PPP1R13B: variants seen among roughly 807,000 people sequenced by gnomAD.
PPP1R13B encodes the protein protein phosphatase 1 regulatory subunit 13B.
Under a neutral mutation model 119.8 loss-of-function variants are expected in PPP1R13B, and 44 were observed. The observed-to-expected ratio is 0.37, with a 90% confidence interval of 0.29 to 0.47. The LOEUF is 0.47. Among genes scored for constraint, PPP1R13B ranks in the 20% least tolerant of loss-of-function variants. The pLI is 0.99. For synonymous variants in PPP1R13B, 542 were observed against 561.5 expected (o/e 0.97, Z 0.49); for missense variants, 1,227 against 1,413.5 (o/e 0.87, Z 2.12).
chr14:103,816,989 C>T (rs1567146788), intron 1 of PPP1R13B, among the ~76,000 whole-genome samples: 1 of 152,124 alleles, frequency 6.6e-6, no homozygotes, highest in East Asian at 1.9e-4. Context: ...AGATCTGAGC[C>T]AGCTCTTGAA....
intron 2 of PPP1R13B, chr14:103,794,690 G>T (rs997027862): frequency 1.4e-5 from 6 of 431,848 alleles, no homozygotes; most frequent in African/African-American, 1.2e-4. Context: ...CTCTGTAAGG[G>T]TTCCTCTAGG....
intron 5 of PPP1R13B, among the ~76,000 whole-genome samples, chr14:103,754,654 T>C (rs553836995): frequency 6.6e-6 from 1 of 151,830 alleles, no homozygotes; most frequent in South Asian, 2.1e-4. Flanking sequence ...GTATCACTCA[T>C]CTTAAAGAAT....
At chr14:103,775,070 A>G (rs1432457588) in intron 4 of PPP1R13B, among the ~76,000 whole-genome samples, 1 of 152,168 alleles carries the variant, frequency 6.6e-6, no homozygotes, top group African/African-American at 2.4e-5. Flanking sequence ...TCATCAAGGA[A>G]AAGGTCTCAT....
upstream of PPP1R13B, chr14:103,847,845 G>A (rs10083370): frequency 0.55 from 88,130 of 159,496 alleles, 24,836 homozygotes; most frequent in South Asian, 0.68. Flanking sequence ...AGGGAAGACC[G>A]CGGACGGTGG....
chr14:103,736,680 T>G, intron 15 of PPP1R13B: 1 of 158,122 alleles, frequency 6.3e-6, no homozygotes, highest in Non-Finnish European at 1.4e-5. Context: ...CATGGGGAGC[T>G]TCCCTTCCCT....
intron 1 of PPP1R13B, among the ~76,000 whole-genome samples, chr14:103,809,649 T>A (rs193289772): frequency 3.2e-4 from 49 of 151,900 alleles, no homozygotes; most frequent in African/African-American, 1.2e-3. Flanking sequence ...GGCGAAACCC[T>A]ATCTCTACAA....
intron 16 of PPP1R13B, among the ~76,000 whole-genome samples, chr14:103,735,594 T>C (rs886760136): frequency 1.3e-5 from 2 of 152,178 alleles, no homozygotes; most frequent in Admixed American, 1.3e-4. Context: ...GCCAGAGGAC[T>C]GAGGGAATCA....
At chr14:103,795,630 C>G (rs1391576171) in intron 2 of PPP1R13B, among the ~76,000 whole-genome samples, 1 of 152,030 alleles carries the variant, frequency 6.6e-6, no homozygotes, top group Non-Finnish European at 1.5e-5. Flanking sequence ...GAATTGATAA[C>G]AAGTAACAGA....
intron 4 of PPP1R13B, among the ~76,000 whole-genome samples, chr14:103,765,739 C>G (rs142848506): frequency 1.3e-5 from 2 of 152,292 alleles, no homozygotes; most frequent in African/African-American, 4.8e-5. Flanking sequence ...GCAATGCCAT[C>G]TGCTTCCTGA....
At chr14:103,842,902 G>A (rs921810199) in intron 1 of PPP1R13B, among the ~76,000 whole-genome samples, 7 of 151,266 alleles carry the variant, frequency 4.6e-5, no homozygotes, top group African/African-American at 1.7e-4. Context: ...GCTTGAACCC[G>A]GGAGGCGGAG....
At chr14:103,831,905 C>G (rs921630896) in intron 1 of PPP1R13B, among the ~76,000 whole-genome samples, 1 of 151,786 alleles carries the variant, frequency 6.6e-6, no homozygotes, top group Non-Finnish European at 1.5e-5. Context: ...CACTGTACTC[C>G]AGCCTGGGTG....
chr14:103,746,153 A>G (rs2084379632), intron 9 of PPP1R13B, among the ~76,000 whole-genome samples: 1 of 152,260 alleles, frequency 6.6e-6, no homozygotes, highest in East Asian at 1.9e-4. Context: ...AAAGCCACAC[A>G]GTAGAGACCT....
intron 1 of PPP1R13B, among the ~76,000 whole-genome samples, chr14:103,822,840 C>A (rs2042545385): frequency 6.6e-6 from 1 of 152,100 alleles, no homozygotes; most frequent in Admixed American, 6.6e-5. Flanking sequence ...TTTCCTAATC[C>A]TTCCTGCATT....
chr14:103,741,417 C>A (rs1376619253), intron 11 of PPP1R13B, among the ~76,000 whole-genome samples: 2 of 152,212 alleles, frequency 1.3e-5, no homozygotes, highest in Non-Finnish European at 2.9e-5. Flanking sequence ...TCAGCCACTA[C>A]CAGGAGGGCC....
At chr14:103,774,050 G>A (rs2085126772) in intron 4 of PPP1R13B, among the ~76,000 whole-genome samples, 2 of 152,308 alleles carry the variant, frequency 1.3e-5, no homozygotes, top group African/African-American at 4.8e-5. Context: ...AGAGAGAATA[G>A]TCTTTTCACC....
At chr14:103,775,689 A>G (rs990445297) in intron 4 of PPP1R13B, among the ~76,000 whole-genome samples, 10 of 152,236 alleles carry the variant, frequency 6.6e-5, no homozygotes, top group Non-Finnish European at 1.3e-4. Context: ...CAACATAGTC[A>G]CATGGGGAGT....
chr14:103,785,398 A>C (rs1013855356), intron 2 of PPP1R13B, among the ~76,000 whole-genome samples: 1 of 151,888 alleles, frequency 6.6e-6, no homozygotes, highest in African/African-American at 2.4e-5. Flanking sequence ...TTTTGTATTT[A>C]GTAGAGAGAG....
At chr14:103,736,276 A>G (rs2084108809) in intron 15 of PPP1R13B, 74 bp from the exon 16 acceptor site, 1 of 1,493,534 alleles carries the variant, frequency 6.7e-7, no homozygotes, top group African/African-American at 1.4e-5. Context: ...GAGGAACAGG[A>G]CACAGTCGTG....
At chr14:103,836,560 G>A (rs1375455315) in intron 1 of PPP1R13B, among the ~76,000 whole-genome samples, 1 of 151,868 alleles carries the variant, frequency 6.6e-6, no homozygotes, top group Non-Finnish European at 1.5e-5. Flanking sequence ...CATGAGGTCA[G>A]GAGTTTGAGA....
Sources: allele counts gnomAD v4.1 joint callset (sites outside exome capture counted in the v4.1 genomes callset), GRCh38; gene constraint gnomAD v4.1.1; transcripts MANE v1.5; gene names NCBI Gene and HGNC (gene_info 2026-07-23, HGNC 2026-07-21).